MCM4: variants seen among roughly 807,000 people sequenced by gnomAD.
MCM4 encodes the protein minichromosome maintenance complex component 4, also known as DNA replication licensing factor MCM4.
A neutral mutation model predicts 88.7 loss-of-function variants in MCM4; 60 were observed. That is an observed-to-expected ratio of 0.68 (90% CI 0.55 to 0.84). MCM4 has a LOEUF of 0.84. MCM4 is among the 40% of genes least tolerant of loss of function. The pLI is 0.00. For missense variants in MCM4, 1,149 were observed against 1,105.5 expected, an observed-to-expected ratio of 1.04 and a Z score of -0.56; for synonymous variants, 465 against 410.5, an observed-to-expected ratio of 1.13 and a Z score of -1.61.
In MCM4 at chr8:47,961,558, G is replaced by A; in HGVS notation, c.113G>A (p.Arg38Lys). ...AGGTCATCTCCCTCTCAGAGACGTA[G>A]AGGCGAGGATTCCACCTCCACGGGG... is the stretch of plus-strand genomic sequence containing the variant. ...DARSSPSQRR[R>K]GEDSTSTGEL... is the part of the protein sequence containing the mutation. Residue 38 changes from arginine (R) to lysine (K), a missense_variant, in exon 3 of 17, where the codon AGA (arginine) becomes AAA (lysine). Coordinates refer to ENST00000649973, the MANE Select transcript of MCM4 (RefSeq NM_182746.3). 6.2e-7 allele frequency: 1 copy of A among 1,614,198 alleles called. No homozygotes were observed. The highest frequency in any genetic ancestry group is 8.5e-7 in the Non-Finnish European group (1 of 1,180,046).
At chr8:47,961,239 T>C (rs1247905103) in intron 2 of MCM4, 25 bp downstream of exon 2, 1 of 1,482,550 alleles carries the variant, frequency 6.7e-7, no homozygotes, top group Non-Finnish European at 8.9e-7. Flanking sequence ...CCGGGCCCAC[T>C]ACAGCCCCCG....
Position 47,974,815 on chromosome 8 carries a change from T to C in MCM4, c.2218T>C (p.Leu740=). Residue 740 remains leucine (L), a synonymous_variant, in exon 15 of 17, where the codon TTA becomes CTA. Transcript: ENST00000649973. Reference sequence around the variant, plus strand: ...TCGACAGCTAGAGTCATTAATCCGCTTAGCAGAAGCCCATGCTAAAGTAAG... The same window carrying C: ...TCGACAGCTAGAGTCATTAATCCGCCTAGCAGAAGCCCATGCTAAAGTAAG... The part of the protein sequence containing the change: ...YPRQLESLIR[L]AEAHAKVRLS... The C allele has an allele frequency of 6.2e-7, 1 of 1,614,260 alleles. No homozygotes were observed. Among genetic ancestry groups the C allele is most frequent in the Non-Finnish European group, 8.5e-7 (1 of 1,180,056 alleles).
At chr8:47,971,017 T>C in intron 12 of MCM4, 141 bp downstream of exon 12, 1 of 1,069,566 alleles carries the variant, frequency 9.3e-7, no homozygotes, top group East Asian at 2.5e-5. Flanking sequence ...ATATTTCAGC[T>C]AAATCTCAAC....
intron 13 of MCM4, 41 bp from the exon 14 acceptor site, chr8:47,972,816 C>A (rs1209287501): frequency 6.4e-7 from 1 of 1,566,760 alleles, no homozygotes; most frequent in South Asian, 1.1e-5. Context: ...CTCGGCCTCA[C>A]AAGGTGCTGG....
At position 47,970,652 on chromosome 8, in the gene MCM4, C is replaced by T. The variant is rs1008191545; in HGVS notation, c.1576C>T (p.Leu526Phe). Residue 526 changes from leucine (L) to phenylalanine (F), a missense_variant, in exon 12 of 17, where the codon CTC (leucine) becomes TTC (phenylalanine). This residue lies in a region of MCM4 where 906 missense variants were observed against 843.0 expected (regional missense o/e 1.07). Transcript: ENST00000649973. ...CCAGCTGCTGCAGTACGTGTACAAC[C>T]TCGTCCCCAGGGGCCAGTACACGTC... ...KSQLLQYVYN[L>F]VPRGQYTSGK... 1 of 1,614,042 alleles carries T rather than the reference C, an allele frequency of 6.2e-7. No individual in the cohort carries two copies. The highest frequency in any genetic ancestry group is 8.5e-7 in the Non-Finnish European group (1 of 1,180,048).
Position 47,969,967 on chromosome 8 carries a change from G to C in MCM4, c.1344G>C (p.Leu448Phe), listed in dbSNP as rs2154505301. 2 of 1,614,238 alleles carry C rather than the reference G, an allele frequency of 1.2e-6. No individual in the cohort carries two copies. The highest frequency in any genetic ancestry group is 1.7e-6 in the Non-Finnish European group (2 of 1,180,042). Reference sequence around the variant, plus strand: ...TTTTTTCAGAGAAACGTGTGGAATTGCTTAAGGAACTTTCCAGGAAACCAG... The same window carrying C: ...TTTTTTCAGAGAAACGTGTGGAATTCCTTAAGGAACTTTCCAGGAAACCAG... ...QKLFSEKRVE[L>F]LKELSRKPDI... Residue 448 changes from leucine (L) to phenylalanine (F), a missense_variant, in exon 11 of 17, where the codon TTG becomes TTC. Transcript: ENST00000649973.
intron 7 of MCM4, among the ~76,000 whole-genome samples, chr8:47,963,479 C>A (rs557136986): frequency 6.6e-6 from 1 of 152,222 alleles, no homozygotes; most frequent in Admixed American, 6.5e-5. Context: ...TATGTATCAT[C>A]TCCTTTAAGA....
chr8:47,963,280 C>G (rs1025027258), intron 7 of MCM4, among the ~76,000 whole-genome samples: 1 of 151,914 alleles, frequency 6.6e-6, no homozygotes, highest in Non-Finnish European at 1.5e-5. Flanking sequence ...AAGTGAAACC[C>G]CATCTGTACT....
At chr8:47,966,622 A>T (rs1314244313) in intron 9 of MCM4, among the ~76,000 whole-genome samples, 1 of 152,222 alleles carries the variant, frequency 6.6e-6, no homozygotes, top group Non-Finnish European at 1.5e-5. Context: ...TGCCAGTGGC[A>T]CTGTCTGTTG....
rs1210185453 is a variant in MCM4 at position 47,970,815 on chromosome 8, A to G, written c.1739A>G (p.Asn580Ser). The G allele has an allele frequency of 1.2e-6, 2 of 1,613,578 alleles. No homozygotes were observed. Among genetic ancestry groups the G allele is most frequent in the African/African-American group, 1.3e-5 (1 of 75,044 alleles). The change falls in exon 12 of 17, where the codon AAT becomes AGT. Residue 580 changes from asparagine (N) to serine (S), a missense_variant. By Grantham distance (46) the Asn-to-Ser change is conservative. Transcript: ENST00000649973. ...ICCIDEFDKMNESTRSVLHEV... is the reference protein window; with the variant it reads ...ICCIDEFDKMSESTRSVLHEV... The stretch of plus-strand genomic sequence containing the variant: ...TGTATCGATGAGTTCGACAAGATGA[A>G]TGAAAGTACAAGATCGGTATTGCAT...
At chr8:47,964,547 A>C in intron 7 of MCM4, 27 bp from the exon 8 acceptor site, 6 of 1,551,722 alleles carry the variant, frequency 3.9e-6, no homozygotes, top group Admixed American at 2.0e-5. Flanking sequence ...TATGAATACA[A>C]ATACATCTTC....
chr8:47,966,517 A>G, intron 9 of MCM4, 110 bp downstream of exon 9: 2 of 1,091,702 alleles, frequency 1.8e-6, no homozygotes, highest in Non-Finnish European at 1.3e-6. Flanking sequence ...AATGGCATCC[A>G]TCCCTCTCTG....
In MCM4 at chr8:47,969,825, T is replaced by C. The variant is rs1272451256; in HGVS notation, c.1202T>C (p.Val401Ala). The stretch of plus-strand genomic sequence containing the variant: ...ATCTATCGAGCTGTGCCTATTCGAG[T>C]CAATCCAAGAGTGAGTAATGTGAAG... ...TGIYRAVPIR[V>A]NPRVSNVKSV... is the part of the protein sequence containing the mutation. Residue 401 changes from valine (V) to alanine (A), a missense_variant, in exon 11 of 17, where the codon GTC becomes GCC. Physicochemically the swap from Val to Ala is moderately conservative, Grantham distance 64. Around this residue, in one of 3 missense-constraint regions of MCM4, gnomAD observed 906 missense variants for 843.0 expected, o/e 1.07. Transcript: ENST00000649973. The C allele has an allele frequency of 1.2e-6, 2 of 1,614,104 alleles. No individual in the cohort carries two copies. The highest frequency in any genetic ancestry group is 8.5e-7 in the Non-Finnish European group (1 of 1,180,048).
In MCM4 at chr8:47,963,038, C is replaced by T. The variant is rs1394002491; in HGVS notation, c.691C>T (p.Gln231Ter). Residue 231 changes from glutamine (Q) to a stop codon, truncating the protein, a stop_gained and splice_region_variant, in exon 7 of 17, where the codon CAG becomes TAG. Transcript: ENST00000649973. LOFTEE classifies it high-confidence loss of function. ...NLYRQLISYP[Q>*]EVIPTFDMAV... ...GTACAGACAACTCATCTCTTACCCA[C>T]AGGTAAGAATTTAGCTTTGACCTTG... The T allele has an allele frequency of 6.4e-7, 1 of 1,556,426 alleles. No homozygotes were observed. The highest frequency in any genetic ancestry group is 8.8e-7 in the Non-Finnish European group (1 of 1,138,772).
chr8:47,970,937 CAG>C (rs1370756341), intron 12 of MCM4, 61 bp downstream of exon 12: 7 of 1,520,848 alleles, frequency 4.6e-6, no homozygotes, highest in South Asian at 1.3e-5. Flanking sequence ...CCTTGAAAGA[CAG>C]GGTCTGTGGA....
chr8:47,963,465 A>C (rs2090866773), intron 7 of MCM4, among the ~76,000 whole-genome samples: 1 of 152,188 alleles, frequency 6.6e-6, no homozygotes, highest in Non-Finnish European at 1.5e-5. Flanking sequence ...AAACAAAAAA[A>C]AACTATGTAT....
At chr8:47,976,280 G>A (rs376773135) in intron 16 of MCM4, among the ~76,000 whole-genome samples, 35 of 149,242 alleles carry the variant, frequency 2.3e-4, no homozygotes, top group African/African-American at 7.2e-4. Flanking sequence ...GCACCAGAGC[G>A]GAACTCCATC....
chr8:47,970,637 C>G lies in MCM4; in HGVS notation c.1561C>G (p.Gln521Glu). ...TGGTACCAGCAAGTCCCAGCTGCTG[C>G]AGTACGTGTACAACCTCGTCCCCAG... ...DPGTSKSQLLQYVYNLVPRGQ... is the reference protein window; with the variant it reads ...DPGTSKSQLLEYVYNLVPRGQ... Residue 521 changes from glutamine (Q) to glutamate (E), a missense_variant, in exon 12 of 17, where the codon CAG becomes GAG. Gln to Glu is a conservative substitution (Grantham distance 29, BLOSUM62 2). Around this residue, in one of 3 missense-constraint regions of MCM4, gnomAD observed 906 missense variants for 843.0 expected, o/e 1.07. Coordinates refer to ENST00000649973, the MANE Select transcript of MCM4 (RefSeq NM_182746.3). 1 of 1,614,154 alleles carries G rather than the reference C, an allele frequency of 6.2e-7. No individual in the cohort carries two copies. The highest frequency in any genetic ancestry group is 8.5e-7 in the Non-Finnish European group (1 of 1,180,036).
Position 47,970,506 on chromosome 8 carries a change from T to C in MCM4, c.1435-5T>C. ...GAATGTTTAGACATGTCTCTGATTA[T>C]TTAGGGAATTTTGCTTCAGCTCTTT... On this transcript the variant is annotated splice_polypyrimidine_tract_variant and splice_region_variant and intron_variant, in intron 11 of 16. Coordinates refer to ENST00000649973, the MANE Select transcript of MCM4 (RefSeq NM_182746.3). 1 of 1,592,264 alleles carries C rather than the reference T, an allele frequency of 6.3e-7. No homozygotes were observed. Among genetic ancestry groups the C allele is most frequent in the Middle Eastern group, 1.7e-4 (1 of 5,970 alleles).
Sources: allele counts gnomAD v4.1 joint callset (sites outside exome capture counted in the v4.1 genomes callset), GRCh38; gene constraint gnomAD v4.1.1; regional missense constraint gnomAD v4.1.1; transcripts MANE v1.5; gene names NCBI Gene and HGNC (gene_info 2026-07-23, HGNC 2026-07-21).